The following AGBL4 variants were observed in gnomAD, a reference collection of about 807,000 sequenced individuals.
AGBL4 encodes AGBL carboxypeptidase 4.
Under a neutral mutation model 66.4 loss-of-function variants are expected in AGBL4, and 58 were observed. The ratio of observed to expected loss-of-function variants is 0.87; its 90% CI spans 0.71 to 1.09. AGBL4 has a LOEUF of 1.09. Ranked by LOEUF, AGBL4 falls within the 50% of genes least tolerant of loss-of-function variation. The pLI, the probability that AGBL4 is intolerant of heterozygous loss-of-function variation, is 0.00. For missense variants in AGBL4, 579 were observed against 631.0 expected (o/e 0.92, Z 0.88); for synonymous variants, 234 against 222.9 (o/e 1.05, Z -0.44).
chr1:49,289,297 A>T (rs1013894836), intron 3 of AGBL4, among the ~76,000 whole-genome samples: 3 of 152,216 alleles, frequency 2.0e-5, no homozygotes, highest in African/African-American at 7.2e-5. Context: ...AATGACATAC[A>T]TATGCTGGCA....
chr1:49,341,098 T>C (rs1645531067), intron 3 of AGBL4, among the ~76,000 whole-genome samples: 1 of 152,196 alleles, frequency 6.6e-6, no homozygotes, highest in Admixed American at 6.5e-5. Flanking sequence ...TGCCCTAATC[T>C]ATGTATTGAG....
At chr1:49,240,345 T>A (rs141241148) in intron 4 of AGBL4, among the ~76,000 whole-genome samples, 59 of 152,172 alleles carry the variant, frequency 3.9e-4, no homozygotes, top group Middle Eastern at 3.4e-3. Context: ...ACATTCTCCA[T>A]CCTCCAACTC....
At chr1:48,977,179 T>G (rs1198955456) in intron 5 of AGBL4, among the ~76,000 whole-genome samples, 1 of 152,180 alleles carries the variant, frequency 6.6e-6, no homozygotes, top group Non-Finnish European at 1.5e-5. Flanking sequence ...AAGCCAGAAC[T>G]CTAGATTTTA....
intron 6 of AGBL4, among the ~76,000 whole-genome samples, chr1:48,805,746 G>A (rs1011501349): frequency 2.6e-5 from 4 of 152,132 alleles, no homozygotes; most frequent in African/African-American, 7.2e-5. Context: ...GCCACTAAAT[G>A]GTAGCATTGG....
At chr1:49,988,728 G>A (rs1358641845) in intron 1 of AGBL4, among the ~76,000 whole-genome samples, 1 of 151,960 alleles carries the variant, frequency 6.6e-6, no homozygotes, top group African/African-American at 2.4e-5. Context: ...AGAATATCTG[G>A]AAAAAACTAT....
chr1:48,824,318 C>T (rs1646379750), intron 6 of AGBL4, among the ~76,000 whole-genome samples: 1 of 152,122 alleles, frequency 6.6e-6, no homozygotes, highest in Non-Finnish European at 1.5e-5. Context: ...CCATAACCCA[C>T]ATGATCAGAG....
intron 4 of AGBL4, among the ~76,000 whole-genome samples, chr1:49,080,557 G>A (rs1644791453): frequency 6.6e-6 from 1 of 152,144 alleles, no homozygotes; most frequent in Admixed American, 6.5e-5. Flanking sequence ...GGTCAAGGCA[G>A]TCTATGGATG....
chr1:49,421,511 A>C (rs560430333), intron 3 of AGBL4, among the ~76,000 whole-genome samples: 102 of 152,312 alleles, frequency 6.7e-4, no homozygotes, highest in Middle Eastern at 3.4e-3. Flanking sequence ...CGTGTTTTCA[A>C]TGTTTGTTAT....
At position 48,923,677 on chromosome 1, in the gene AGBL4, A is replaced by T. The variant is rs560365302; in HGVS notation, c.595-56447T>A. ...TATTTGAATATTTTAATGTCACTGTATTGTGTGCTCAGCATCCATGATCAA... is the reference window on the plus strand; with the variant it reads ...TATTTGAATATTTTAATGTCACTGTTTTGTGTGCTCAGCATCCATGATCAA... On this transcript the variant is annotated intron_variant, in intron 5 of 13. Coordinates refer to ENST00000371839, the MANE Select transcript of AGBL4 (RefSeq NM_032785.4). Among the ~76,000 whole-genome samples, 8 of 152,282 alleles carry T rather than the reference A, an allele frequency of 5.3e-5. No individual in the cohort carries two copies. The East Asian group carries it at 1.3e-3, about 26-fold the overall frequency.
At chr1:48,537,652 G>A (rs1643995353) in intron 12 of AGBL4, among the ~76,000 whole-genome samples, 1 of 152,148 alleles carries the variant, frequency 6.6e-6, no homozygotes, top group Admixed American at 6.6e-5. Flanking sequence ...GTCTCCCTGA[G>A]TGTCAGCACC....
intron 3 of AGBL4, among the ~76,000 whole-genome samples, chr1:49,674,771 G>C (rs1314659820): frequency 6.6e-6 from 1 of 151,980 alleles, no homozygotes; most frequent in African/African-American, 2.4e-5. Flanking sequence ...GAGAGATAGA[G>C]AGGTATCACT....
intron 3 of AGBL4, among the ~76,000 whole-genome samples, chr1:49,626,139 C>T (rs558111517): frequency 6.6e-6 from 1 of 152,110 alleles, no homozygotes; most frequent in Admixed American, 6.6e-5. Context: ...AGAATGCAGT[C>T]CATATAAAGG....
chr1:49,993,725 A>G (rs914428569), intron 1 of AGBL4, among the ~76,000 whole-genome samples: 1 of 152,124 alleles, frequency 6.6e-6, no homozygotes, highest in Non-Finnish European at 1.5e-5. Flanking sequence ...TTCTTCTTAC[A>G]TGAGACCAGC....
At chr1:49,997,787 G>C (rs1207491746) in intron 1 of AGBL4, among the ~76,000 whole-genome samples, 1 of 152,122 alleles carries the variant, frequency 6.6e-6, no homozygotes, top group Non-Finnish European at 1.5e-5. Flanking sequence ...CATTATCCAA[G>C]ATAGACCATA....
At chr1:48,847,450 T>C (rs373305032) in intron 6 of AGBL4, among the ~76,000 whole-genome samples, 29 of 151,370 alleles carry the variant, frequency 1.9e-4, no homozygotes, top group African/African-American at 6.8e-4. Flanking sequence ...CAGCCACTTA[T>C]GATCCTGAGT....
chr1:49,127,538 AG>A (rs1645791167), intron 4 of AGBL4, among the ~76,000 whole-genome samples: 27 of 152,120 alleles, frequency 1.8e-4, no homozygotes, highest in Admixed American at 1.8e-3. Flanking sequence ...AAAGAGCTTC[AG>A]AAATATGCAT....
At chr1:49,985,005 A>G (rs1025738302) in intron 1 of AGBL4, among the ~76,000 whole-genome samples, 2 of 152,226 alleles carry the variant, frequency 1.3e-5, no homozygotes, top group Non-Finnish European at 2.9e-5. Flanking sequence ...CAATTGTGAG[A>G]AAAATCACTT....
intron 2 of AGBL4, chr1:49,845,726 T>C (rs1646123977): frequency 2.5e-6 from 4 of 1,593,422 alleles, no homozygotes; most frequent in South Asian, 2.2e-5. Context: ...CATCAGAGGA[T>C]TTACACGGGA....
chr1:48,614,604 C>T (rs1383897747), intron 9 of AGBL4, among the ~76,000 whole-genome samples: 1 of 152,192 alleles, frequency 6.6e-6, no homozygotes, highest in East Asian at 1.9e-4. Context: ...GGCAAATATG[C>T]CCCTTATCCC....
Sources: allele counts gnomAD v4.1 joint callset (sites outside exome capture counted in the v4.1 genomes callset), GRCh38; gene constraint gnomAD v4.1.1; transcripts MANE v1.5; gene names NCBI Gene and HGNC (gene_info 2026-07-23, HGNC 2026-07-21).